Variants in TSPAN2 observed in about 807,000 individuals in gnomAD.
TSPAN2 encodes the protein tetraspanin 2.
TSPAN2 carries 24 observed loss-of-function variants against 33.3 expected under a neutral mutation model. That is an observed-to-expected ratio of 0.72 (90% CI 0.52 to 1.01). The LOEUF (loss-of-function observed/expected upper bound fraction) is 1.01. Among genes scored for constraint, TSPAN2 ranks in the 50% least tolerant of loss-of-function variants. The pLI, the probability that TSPAN2 is intolerant of heterozygous loss-of-function variation, is 0.00. For synonymous variants in TSPAN2, 114 were observed against 104.5 expected, an observed-to-expected ratio of 1.09 and a Z score of -0.56; for missense variants, 278 against 281.3, an observed-to-expected ratio of 0.99 and a Z score of 0.08.
Position 115,048,913 on chromosome 1 carries a change from G to A in TSPAN2, c.*1577C>T, listed in dbSNP as rs1202323491. On this transcript the variant is annotated 3_prime_UTR_variant, in exon 8 of 8. Coordinates refer to ENST00000369516, the MANE Select transcript of TSPAN2 (RefSeq NM_005725.6). Reference sequence around the variant, plus strand: ...TAGCAAGTATGGCAGAAAGAGAAATGTGGTTCTCCATGGGAGAGAGACTAT... The same window carrying A: ...TAGCAAGTATGGCAGAAAGAGAAATATGGTTCTCCATGGGAGAGAGACTAT... 1 of 151,752 alleles carries A rather than the reference G, an allele frequency of 6.6e-6. No individual in the cohort carries two copies. The highest frequency in any genetic ancestry group is 6.5e-5 in the Admixed American group (1 of 15,272). The allele number at this position is 151,752 out of a possible 1,614,324, so 9.4% of individuals were successfully genotyped here.
intron 5 of TSPAN2, 64 bp from the exon 6 acceptor site, chr1:115,057,672 C>T: frequency 6.6e-7 from 1 of 1,524,322 alleles, no homozygotes; most frequent in Middle Eastern, 2.0e-4. Context: ...AGTCTGGGCA[C>T]CCTGCTAAGG....
intron 1 of TSPAN2, among the ~76,000 whole-genome samples, chr1:115,087,811 C>T (rs1648901782): frequency 1.3e-5 from 2 of 152,132 alleles, no homozygotes. Flanking sequence ...ATGCTTAGCA[C>T]TGTCCCTGAC....
At chr1:115,065,161 C>G (rs1188967754) in intron 2 of TSPAN2, among the ~76,000 whole-genome samples, 1 of 152,144 alleles carries the variant, frequency 6.6e-6, no homozygotes, top group Non-Finnish European at 1.5e-5. Context: ...CTTGCTGAAG[C>G]TGAAGGGAAA....
intron 1 of TSPAN2, among the ~76,000 whole-genome samples, chr1:115,084,677 TTAGG>T (rs1233493801): frequency 2.6e-5 from 4 of 152,216 alleles, no homozygotes; most frequent in African/African-American, 9.7e-5. Context: ...AATACTTTCT[TTAGG>T]TATTTTTTCC....
At chr1:115,060,185 G>T (rs1647656523) in intron 4 of TSPAN2, among the ~76,000 whole-genome samples, 2 of 152,046 alleles carry the variant, frequency 1.3e-5, no homozygotes, top group African/African-American at 4.8e-5. Flanking sequence ...CAATGGGGAA[G>T]AATCTTAAAT....
At chr1:115,069,074 G>A (rs554037822) in intron 2 of TSPAN2, among the ~76,000 whole-genome samples, 1 of 152,276 alleles carries the variant, frequency 6.6e-6, no homozygotes, top group South Asian at 2.1e-4. Flanking sequence ...TCTGAACTTT[G>A]AGCATGGATC....
At chr1:115,071,968 C>T (rs1648193462) in intron 2 of TSPAN2, among the ~76,000 whole-genome samples, 1 of 152,192 alleles carries the variant, frequency 6.6e-6, no homozygotes, top group South Asian at 2.1e-4. Flanking sequence ...TGCTCTTCCT[C>T]CCTGCCATAG....
At chr1:115,053,581 A>C in intron 6 of TSPAN2, 119 bp from the exon 7 acceptor site, 1 of 821,132 alleles carries the variant, frequency 1.2e-6, no homozygotes. Flanking sequence ...GCCAGCTTCT[A>C]CTCATGTTTC....
At chr1:115,083,104 C>T (rs1648690602) in intron 1 of TSPAN2, among the ~76,000 whole-genome samples, 1 of 152,202 alleles carries the variant, frequency 6.6e-6, no homozygotes, top group African/African-American at 2.4e-5. Flanking sequence ...TGCTCCCAGC[C>T]CATCTGGTAT....
At chr1:115,077,241 C>A (rs547997564) in intron 1 of TSPAN2, among the ~76,000 whole-genome samples, 1 of 151,372 alleles carries the variant, frequency 6.6e-6, no homozygotes, top group Non-Finnish European at 1.5e-5. Context: ...TTCTGAGGAC[C>A]GGTTGTATGT....
chr1:115,060,793 G>A (rs914442028), intron 3 of TSPAN2, among the ~76,000 whole-genome samples: 3 of 152,174 alleles, frequency 2.0e-5, no homozygotes, highest in Middle Eastern at 3.2e-3. Context: ...AGGAATATAC[G>A]ATAACTGTGT....
intron 1 of TSPAN2, among the ~76,000 whole-genome samples, chr1:115,087,289 C>A (rs765642190): frequency 6.6e-6 from 1 of 151,946 alleles, no homozygotes; most frequent in African/African-American, 2.4e-5. Flanking sequence ...CTTTTGAGAA[C>A]CACTGGTTAA....
At chr1:115,072,681 G>A (rs1490074179) in intron 2 of TSPAN2, among the ~76,000 whole-genome samples, 3 of 152,140 alleles carry the variant, frequency 2.0e-5, no homozygotes, top group African/African-American at 7.2e-5. Context: ...AACAGACCGT[G>A]TGAGGGCAAG....
rs1042847919 is a variant in TSPAN2 at position 115,065,438 on chromosome 1, A to T, written c.173-3206T>A. Among the ~76,000 whole-genome samples the T allele has an allele frequency of 4.6e-5, 7 of 152,342 alleles. No homozygotes were observed. The South Asian group carries it at 1.4e-3, about 32-fold the overall frequency. On this transcript the variant is annotated intron_variant, in intron 2 of 7. Transcript: ENST00000369516. Reference sequence around the variant, plus strand: ...ATACGACCTACTTCCCAAAGCCCTCATGCTTTCCGAGTCCTATTGCCTTTG... The same window carrying T: ...ATACGACCTACTTCCCAAAGCCCTCTTGCTTTCCGAGTCCTATTGCCTTTG...
rs577627502 is a variant in TSPAN2, at chr1:115,056,635, A to C, written c.516+902T>G. Among the ~76,000 whole-genome samples, 78 of 152,086 alleles carry C rather than the reference A, an allele frequency of 5.1e-4. 1 individual carries two copies. Among genetic ancestry groups the C allele is most frequent in the African/African-American group, 1.9e-3 (77 of 41,490 alleles). On this transcript the variant is annotated intron_variant, in intron 6 of 7. Transcript: ENST00000369516. ...CCTCTGTCAGCCTTCCCCATCCCCC[A>C]GCCTCTCGCCTCTCCTAAGTGCGTT...
chr1:115,062,122 T>G lies in TSPAN2; in HGVS notation c.270+13A>C. ...CACCCCCACCCCACCATTTACCCCC[T>G]CGCCCCACTTACTGATCCAAGCACA... On this transcript the variant is annotated intron_variant, in intron 3 of 7. Transcript: ENST00000369516. 7 of 865,242 alleles carry G rather than the reference T, an allele frequency of 8.1e-6. No individual in the cohort carries two copies. The highest frequency in any genetic ancestry group is 1.2e-5 in the Non-Finnish European group (7 of 578,232). 53.6% of individuals were successfully genotyped at this position (865,242 alleles called of 1,614,324 possible).
chr1:115,052,985 GC>G (rs1647246366), intron 7 of TSPAN2, among the ~76,000 whole-genome samples: 1 of 152,144 alleles, frequency 6.6e-6, no homozygotes, highest in South Asian at 2.1e-4. Flanking sequence ...GCCAGAGCTC[GC>G]CCTATTAATC....
chr1:115,059,018 T>C (rs1264146741), intron 4 of TSPAN2, 37 bp from the exon 5 acceptor site: 2 of 1,526,914 alleles, frequency 1.3e-6, no homozygotes, highest in Non-Finnish European at 1.8e-6. Context: ...GACTTCTGGG[T>C]GGGAAGTTTC....
Position 115,060,544 on chromosome 1 carries a change from G to A in TSPAN2, c.271-6C>T, listed in dbSNP as rs778884805. ...ACCAGGAGGCAGGTAAAAAACTGTA[G>A]AGGAGAGAAAATACTAATTTCATTA... On this transcript the variant is annotated splice_region_variant and splice_polypyrimidine_tract_variant and intron_variant, in intron 3 of 7. Coordinates refer to ENST00000369516, the MANE Select transcript of TSPAN2 (RefSeq NM_005725.6). The A allele has an allele frequency of 1.2e-6, 2 of 1,609,916 alleles. No homozygotes were observed. Among genetic ancestry groups the A allele is most frequent in the Non-Finnish European group, 1.7e-6 (2 of 1,177,404 alleles).
Sources: allele counts gnomAD v4.1 joint callset (sites outside exome capture counted in the v4.1 genomes callset), GRCh38; gene constraint gnomAD v4.1.1; transcripts MANE v1.5; gene names NCBI Gene and HGNC (gene_info 2026-07-23, HGNC 2026-07-21).